PARN: variants seen among roughly 807,000 people sequenced by gnomAD.
The protein encoded by PARN is poly(A)-specific ribonuclease.
A neutral mutation model predicts 102.8 loss-of-function variants in PARN; 71 were observed. That is an observed-to-expected ratio of 0.69 (90% CI 0.57 to 0.84). The LOEUF (loss-of-function observed/expected upper bound fraction) is 0.84. Among genes scored for constraint, PARN ranks in the 40% least tolerant of loss-of-function variants. PARN has a pLI of 0.00. For missense variants in PARN, 782 were observed against 760.9 expected, an observed-to-expected ratio of 1.03 and a Z score of -0.33; for synonymous variants, 261 against 252.9, an observed-to-expected ratio of 1.03 and a Z score of -0.30.
At chr16:14,582,575 A>G (rs950449456) in intron 16 of PARN, among the ~76,000 whole-genome samples, 2 of 151,818 alleles carry the variant, frequency 1.3e-5, no homozygotes, top group Non-Finnish European at 2.9e-5. Flanking sequence ...ATGATCATCC[A>G]TAACTCACTC....
At chr16:14,548,588 C>T (rs1328149387) in intron 21 of PARN, among the ~76,000 whole-genome samples, 1 of 152,064 alleles carries the variant, frequency 6.6e-6, no homozygotes, top group Non-Finnish European at 1.5e-5. Context: ...TCTGTGAAAA[C>T]AATATAATAA....
chr16:14,577,242 G>A (rs1427292793), intron 18 of PARN, among the ~76,000 whole-genome samples: 1 of 152,148 alleles, frequency 6.6e-6, no homozygotes, highest in Non-Finnish European at 1.5e-5. Flanking sequence ...ATCAGCTTGA[G>A]ATAATGTTGG....
chr16:14,551,923 G>T, intron 21 of PARN, 98 bp downstream of exon 21: 1 of 737,474 alleles, frequency 1.4e-6, no homozygotes, highest in Non-Finnish European at 2.4e-6. Flanking sequence ...AGCAATGAGT[G>T]TAAGCTGACT....
chr16:14,593,398 GA>G lies in PARN; in HGVS notation c.841-21del, dbSNP rs1327096696. On this transcript the variant is annotated intron_variant, in intron 12 of 23. Coordinates refer to ENST00000437198, the MANE Select transcript of PARN (RefSeq NM_002582.4). Reference sequence around the variant, plus strand: ...TTTTCCCTAAAGAAAGTCAAGGTTAGAAAAAAGACTTCTACATTCGAAATTA... The same window carrying G: ...TTTTCCCTAAAGAAAGTCAAGGTTAGAAAAAGACTTCTACATTCGAAATTA... 4 of 1,151,536 alleles carry G rather than the reference GA, an allele frequency of 3.5e-6. No individual in the cohort carries two copies. The highest frequency in any genetic ancestry group is 4.8e-6 in the Non-Finnish European group (4 of 826,864). The allele number at this position is 1,151,536 out of a possible 1,614,324, so 71.3% of individuals were successfully genotyped here.
At chr16:14,620,254 G>T (rs898866123) in intron 5 of PARN, among the ~76,000 whole-genome samples, 2 of 151,852 alleles carry the variant, frequency 1.3e-5, no homozygotes, top group African/African-American at 4.8e-5. Context: ...GTGGGCACCT[G>T]TAGTCCCAGC....
At chr16:14,583,055 T>C (rs996203963) in intron 16 of PARN, among the ~76,000 whole-genome samples, 2 of 152,184 alleles carry the variant, frequency 1.3e-5, no homozygotes, top group Admixed American at 6.5e-5. Flanking sequence ...ACTCCAAAAA[T>C]AAATCGAACT....
Position 14,447,050 on chromosome 16 carries a change from T to C in PARN, c.1702A>G (p.Asn568Asp). The change falls in exon 23 of 24, where the codon AAT becomes GAT. Residue 568 changes from asparagine to aspartate, a missense_variant. Coordinates refer to ENST00000437198, the MANE Select transcript of PARN (RefSeq NM_002582.4). ...FTAPSTVGKR[N>D]LSPSQEEAGL... ...GCTTCCTCTTGACTAGGACTCAAAT[T>C]TCTCTTTCCTACTGTGCTGGGAGCT... The C allele has an allele frequency of 6.2e-7, 1 of 1,613,832 alleles. No individual in the cohort carries two copies. Among genetic ancestry groups the C allele is most frequent in the South Asian group, 1.1e-5 (1 of 91,064 alleles).
At chr16:14,529,418 C>A (rs1018064041) in intron 21 of PARN, among the ~76,000 whole-genome samples, 14 of 152,124 alleles carry the variant, frequency 9.2e-5, no homozygotes, top group Non-Finnish European at 1.6e-4. Flanking sequence ...AAAATCCGAA[C>A]AATGTCAGTA....
In PARN at chr16:14,577,824, C is replaced by T. The variant is rs777148498; in HGVS notation, c.1262+3050G>A. Among the ~76,000 whole-genome samples the T allele has an allele frequency of 3.1e-4, 47 of 152,016 alleles. 2 individuals carry two copies. In the South Asian group the frequency reaches 3.5e-3, roughly 11 times the overall value. On this transcript the variant is annotated intron_variant, in intron 18 of 23. Transcript: ENST00000437198. ...CTGGGATTACAGGCACCCATCAACA[C>T]GCTCAGCTACTTTTTGTATTTGTAG...
chr16:14,483,443 A>G (rs1005526850), intron 21 of PARN, among the ~76,000 whole-genome samples: 10 of 152,250 alleles, frequency 6.6e-5, no homozygotes, highest in Non-Finnish European at 1.5e-5. Context: ...AATGGCAGGG[A>G]TAAGATGCAA....
intron 12 of PARN, among the ~76,000 whole-genome samples, chr16:14,598,284 T>C (rs1970650173): frequency 6.6e-6 from 1 of 152,134 alleles, no homozygotes; most frequent in Admixed American, 6.5e-5. Flanking sequence ...CTTTGGGATG[T>C]TGACTACCAA....
chr16:14,480,950 A>C (rs1963346468), intron 22 of PARN, among the ~76,000 whole-genome samples: 1 of 151,716 alleles, frequency 6.6e-6, no homozygotes, highest in Admixed American at 6.6e-5. Flanking sequence ...AAAATAAATA[A>C]ATAAATAAAT....
chr16:14,553,893 G>T (rs1022286904), intron 20 of PARN, among the ~76,000 whole-genome samples, 172 bp downstream of exon 20: 2 of 152,176 alleles, frequency 1.3e-5, no homozygotes, highest in Non-Finnish European at 2.9e-5. Context: ...TTTCTCAGAT[G>T]ATATTAGCAC....
chr16:14,590,274 G>GAAAAAAAAAAA (rs1212064093), intron 13 of PARN, among the ~76,000 whole-genome samples: 1 of 69,236 alleles, frequency 1.4e-5, no homozygotes, highest in Non-Finnish European at 2.9e-5. Flanking sequence ...AAAGAGAAGA[G>GAAAAAAAAAAA]AAAAAAAAAA....
At chr16:14,486,322 G>A (rs1201276611) in intron 21 of PARN, among the ~76,000 whole-genome samples, 1 of 152,148 alleles carries the variant, frequency 6.6e-6, no homozygotes, top group Admixed American at 6.5e-5. Context: ...AGCCACGATT[G>A]CACCATTGTA....
At chr16:14,470,298 T>C (rs1962641938) in intron 22 of PARN, among the ~76,000 whole-genome samples, 1 of 152,090 alleles carries the variant, frequency 6.6e-6, no homozygotes, top group Non-Finnish European at 1.5e-5. Flanking sequence ...TAAATGGAAA[T>C]ACTGAATTTT....
intron 21 of PARN, among the ~76,000 whole-genome samples, chr16:14,492,659 T>TG (rs1964120912): frequency 6.6e-6 from 1 of 152,216 alleles, no homozygotes; most frequent in Non-Finnish European, 1.5e-5. Context: ...ACTGTTCCCA[T>TG]GTGTCACTTC....
chr16:14,611,033 G>A (rs1054813469), intron 6 of PARN, among the ~76,000 whole-genome samples: 2 of 152,222 alleles, frequency 1.3e-5, no homozygotes, highest in Non-Finnish European at 2.9e-5. Context: ...CTGTGCCAAA[G>A]CATTATATTA....
chr16:14,629,840 A>C (rs1364484680), intron 1 of PARN, among the ~76,000 whole-genome samples, 166 bp from the exon 2 acceptor site: 2 of 152,310 alleles, frequency 1.3e-5, no homozygotes, highest in African/African-American at 2.4e-5. Flanking sequence ...TGCATGGGTC[A>C]GGGGGGACAA....
Sources: allele counts gnomAD v4.1 joint callset (sites outside exome capture counted in the v4.1 genomes callset), GRCh38; gene constraint gnomAD v4.1.1; transcripts MANE v1.5; gene names NCBI Gene and HGNC (gene_info 2026-07-23, HGNC 2026-07-21).